Variants in PRKN observed in about 807,000 individuals in gnomAD.
PRKN encodes parkin RBR E3 ubiquitin protein ligase.
A neutral mutation model predicts 59.5 loss-of-function variants in PRKN; 56 were observed. The ratio of observed to expected loss-of-function variants is 0.94; its 90% confidence interval spans 0.76 to 1.18. The LOEUF (loss-of-function observed/expected upper bound fraction) is 1.18. Among genes scored for constraint, PRKN ranks in the 50% most tolerant of loss-of-function variants. The pLI, the probability that PRKN is intolerant of heterozygous loss-of-function variation, is 0.00. For missense variants in PRKN, 657 were observed against 596.4 expected (o/e 1.10, Z -1.06); for synonymous variants, 250 against 222.1 (o/e 1.13, Z -1.12).
rs1473692762 is a variant in PRKN, at chr6:161,400,004, T to C, written c.1084-13127A>G. On this transcript the variant is annotated intron_variant, in intron 9 of 11. Transcript: ENST00000366898. This position sits in a 1 kb window ranked among gnomAD's most constrained non-coding sequence, Gnocchi z 4.2. ...TTTATATTCATTTTTACTAAGCTTT[T>C]GGAATCGGGTCTGCTTTTACTCTTT... is the stretch of plus-strand genomic sequence containing the variant. Among the ~76,000 whole-genome samples, 1 of 152,202 alleles carries C rather than the reference T, an allele frequency of 6.6e-6. No individual in the cohort carries two copies. Among genetic ancestry groups the C allele is most frequent in the East Asian group, 1.9e-4 (1 of 5,194 alleles).
At position 161,440,768 on chromosome 6, in the gene PRKN, C is replaced by T. The variant is rs1789169229; in HGVS notation, c.1084-53891G>A. On this transcript the variant is annotated intron_variant, in intron 9 of 11. Transcript: ENST00000366898. The surrounding 1 kb of genome is among the most constrained non-coding windows in gnomAD (Gnocchi z 4.1). ...GAAGGTCCTGAGAGCTCCCTGACAT[C>T]ATTCAGGACTGAAGGTAGAAAGTAG... Among the ~76,000 whole-genome samples, 1 of 152,198 alleles carries T rather than the reference C, an allele frequency of 6.6e-6. No homozygotes were observed. Among genetic ancestry groups the T allele is most frequent in the Non-Finnish European group, 1.5e-5 (1 of 68,040 alleles).
chr6:161,917,438 T>C (rs1487781715), intron 6 of PRKN, among the ~76,000 whole-genome samples: 1 of 152,090 alleles, frequency 6.6e-6, no homozygotes, highest in Admixed American at 6.6e-5. Flanking sequence ...ATTTCTGCCA[T>C]ATATTTTGGA....
intron 2 of PRKN, among the ~76,000 whole-genome samples, chr6:162,403,165 T>C (rs1459983715): frequency 6.6e-6 from 1 of 152,194 alleles, no homozygotes; most frequent in African/African-American, 2.4e-5. Flanking sequence ...CGTGAAATTC[T>C]TTCAACTCAC....
At chr6:161,936,299 C>T (rs1779354103) in intron 6 of PRKN, among the ~76,000 whole-genome samples, 1 of 149,334 alleles carries the variant, frequency 6.7e-6, no homozygotes, top group Non-Finnish European at 1.5e-5. Flanking sequence ...ACCACCACCT[C>T]CTGGGTTCAA....
At chr6:161,926,080 G>A (rs2048348105) in intron 6 of PRKN, among the ~76,000 whole-genome samples, 1 of 152,126 alleles carries the variant, frequency 6.6e-6, no homozygotes, top group Admixed American at 6.5e-5. Flanking sequence ...ATCTATTTTA[G>A]GAACTTTTCA....
Position 161,396,562 on chromosome 6 carries a change from A to G in PRKN, c.1084-9685T>C, listed in dbSNP as rs1457498751. On this transcript the variant is annotated intron_variant, in intron 9 of 11. Transcript: ENST00000366898. This position sits in a 1 kb window ranked among gnomAD's most constrained non-coding sequence, Gnocchi z 5.4. ...CATTAATTAGTGAACATGTTTGAAT[A>G]TGGCCATTCATTAGTAAAACGCACA... is the stretch of plus-strand genomic sequence containing the variant. Among the ~76,000 whole-genome samples, 1 of 152,180 alleles carries G rather than the reference A, an allele frequency of 6.6e-6. No homozygotes were observed. Among genetic ancestry groups the G allele is most frequent in the Non-Finnish European group, 1.5e-5 (1 of 68,038 alleles).
rs75042341 is a variant in PRKN, at chr6:162,368,917, T to C, written c.171+74393A>G. ...CTAGTTCTCTTAGCTGTCAGCACAA[T>C]TACCTTGTGATTAAAAAGATAACAT... On this transcript the variant is annotated intron_variant, in intron 2 of 11. Coordinates refer to ENST00000366898, the MANE Select transcript of PRKN (RefSeq NM_004562.3). Among the ~76,000 whole-genome samples, 1,233 of 152,328 alleles carry C rather than the reference T, an allele frequency of 8.1e-3. 18 individuals are homozygous for C. The highest frequency in any genetic ancestry group is 0.028 in the African/African-American group (1,153 of 41,574).
At chr6:162,681,034 T>C (rs886249497) in intron 1 of PRKN, among the ~76,000 whole-genome samples, 1 of 151,678 alleles carries the variant, frequency 6.6e-6, no homozygotes, top group South Asian at 2.1e-4. Context: ...TGGCAAAATA[T>C]AGAAAATCTC....
chr6:161,459,799 A>C lies in PRKN; in HGVS notation c.1084-72922T>G, dbSNP rs1739700687. 6.6e-6 allele frequency among the ~76,000 whole-genome samples: 1 copy of C among 152,180 alleles called. No individual in the cohort carries two copies. The highest frequency in any genetic ancestry group is 2.4e-5 in the African/African-American group (1 of 41,454). Reference sequence around the variant, plus strand: ...TGGTTTTCTCTTTGTCTCCTTCTTCATAATTTAGAGGCTTTCAATGACTTA... The same window carrying C: ...TGGTTTTCTCTTTGTCTCCTTCTTCCTAATTTAGAGGCTTTCAATGACTTA... On this transcript the variant is annotated intron_variant, in intron 9 of 11. Transcript: ENST00000366898. The surrounding 1 kb of genome is among the most constrained non-coding windows in gnomAD (Gnocchi z 4.8).
intron 5 of PRKN, among the ~76,000 whole-genome samples, chr6:162,047,518 C>T (rs1784297204): frequency 6.6e-6 from 1 of 151,574 alleles, no homozygotes; most frequent in Non-Finnish European, 1.5e-5. Flanking sequence ...AAAAGCAAAC[C>T]AACCTTTTAT....
intron 6 of PRKN, among the ~76,000 whole-genome samples, chr6:161,949,994 AAC>A (rs1779927705): frequency 1.3e-5 from 2 of 152,228 alleles, no homozygotes; most frequent in South Asian, 4.1e-4. Context: ...GAGATTGGGA[AAC>A]AGTTACAGGT....
intron 7 of PRKN, among the ~76,000 whole-genome samples, chr6:161,663,734 A>G (rs373673695): frequency 1.3e-5 from 2 of 152,202 alleles, no homozygotes; most frequent in African/African-American, 4.8e-5. Flanking sequence ...TAATAACAAT[A>G]TTTGGCCTAA....
chr6:161,536,323 C>T (rs1202169270), intron 9 of PRKN, among the ~76,000 whole-genome samples: 1 of 151,770 alleles, frequency 6.6e-6, no homozygotes, highest in African/African-American at 2.4e-5. Flanking sequence ...AACCTGATCA[C>T]TAGTAAGGGT....
chr6:162,099,249 T>G (rs1392367124), intron 4 of PRKN, among the ~76,000 whole-genome samples: 1 of 152,198 alleles, frequency 6.6e-6, no homozygotes, highest in Non-Finnish European at 1.5e-5. Context: ...GAAGACCTGG[T>G]GACCTTGACC....
At chr6:162,503,913 C>A (rs888912899) in intron 1 of PRKN, among the ~76,000 whole-genome samples, 3 of 152,114 alleles carry the variant, frequency 2.0e-5, no homozygotes, top group Non-Finnish European at 4.4e-5. Context: ...CAATGCCGTG[C>A]AAAAGAAATC....
At chr6:162,663,470 A>G (rs1778972532) in intron 1 of PRKN, among the ~76,000 whole-genome samples, 1 of 152,180 alleles carries the variant, frequency 6.6e-6, no homozygotes, top group African/African-American at 2.4e-5. Context: ...TGTAAAGTTT[A>G]GTAAAAGCCA....
chr6:161,806,900 G>A (rs998794250), intron 6 of PRKN, among the ~76,000 whole-genome samples: 10 of 152,080 alleles, frequency 6.6e-5, no homozygotes, highest in African/African-American at 1.4e-4. Context: ...GAAATTTTTC[G>A]CAAATAGTGA....
intron 1 of PRKN, among the ~76,000 whole-genome samples, chr6:162,634,462 T>C (rs532924704): frequency 5.4e-4 from 82 of 152,276 alleles, no homozygotes; most frequent in African/African-American, 1.9e-3. Flanking sequence ...ACCATAGCTG[T>C]GATCACTTCC....
At chr6:162,638,851 T>A (rs548161015) in intron 1 of PRKN, among the ~76,000 whole-genome samples, 1 of 150,964 alleles carries the variant, frequency 6.6e-6, no homozygotes, top group South Asian at 2.1e-4. Context: ...TTCAAGCGAT[T>A]CTCCTGCCTC....
Sources: allele counts gnomAD v4.1 joint callset (sites outside exome capture counted in the v4.1 genomes callset), GRCh38; gene constraint gnomAD v4.1.1; non-coding constraint Gnocchi (gnomAD v3.1); transcripts MANE v1.5; gene names NCBI Gene and HGNC (gene_info 2026-07-23, HGNC 2026-07-21).